DCHS2: variants seen among roughly 807,000 people sequenced by gnomAD.
DCHS2 encodes dachsous cadherin-related 2, also known as protocadherin-23.
In DCHS2, 142 loss-of-function variants were observed where a neutral mutation model predicts 182.4. That is an observed-to-expected ratio of 0.78 (90% confidence interval 0.68 to 0.89). The LOEUF (loss-of-function observed/expected upper bound fraction) is 0.89, where lower values mean the gene tolerates loss of function less well. Ranked by LOEUF, DCHS2 falls within the 40% of genes least tolerant of loss-of-function variation. The pLI is 0.00. For missense variants in DCHS2, 4,319 were observed against 4,198.6 expected (o/e 1.03, Z -0.79); for synonymous variants, 1,740 against 1,663.3 (o/e 1.05, Z -1.12).
intron 1 of DCHS2, among the ~76,000 whole-genome samples, chr4:154,486,922 G>GCCAGCAATAC (rs1207159782): frequency 3.3e-5 from 5 of 152,180 alleles, no homozygotes; most frequent in African/African-American, 4.8e-5. Flanking sequence ...GGAAAGGTTT[G>GCCAGCAATAC]TTGCAATTGT....
At chr4:154,385,169 C>A (rs181155418) in intron 1 of DCHS2, among the ~76,000 whole-genome samples, 2 of 147,420 alleles carry the variant, frequency 1.4e-5, no homozygotes, top group East Asian at 2.1e-4. Flanking sequence ...TGAGAACATG[C>A]GGCGTTTGGT....
intron 13 of DCHS2, among the ~76,000 whole-genome samples, chr4:154,296,765 G>C (rs2111276618): frequency 6.6e-6 from 1 of 152,274 alleles, no homozygotes; most frequent in South Asian, 2.1e-4. Flanking sequence ...AATTCACTCA[G>C]GATGACAAGT....
chr4:154,323,375 G>C, intron 7 of DCHS2: 2 of 1,542,664 alleles, frequency 1.3e-6, no homozygotes, highest in Non-Finnish European at 8.7e-7. Context: ...TGTTACCCAG[G>C]CTGGAGCGCA....
chr4:154,233,535 A>C lies in DCHS2; in HGVS notation c.*1001T>G, dbSNP rs1012117506. ...ATATATTGCTAAATTACTCTATGAG[A>C]TTTATCATTAGCTAATGACATGATT... is the stretch of plus-strand genomic sequence containing the variant. On this transcript the variant is annotated 3_prime_UTR_variant, in exon 20 of 20. Transcript: ENST00000357232. 3 of 152,220 alleles carry C rather than the reference A, an allele frequency of 2.0e-5. No individual in the cohort carries two copies. The highest frequency in any genetic ancestry group is 7.2e-5 in the African/African-American group (3 of 41,458). The allele number at this position is 152,220 out of a possible 1,614,324, so 9.4% of individuals were successfully genotyped here. A position where few individuals can be genotyped will look rare whatever the true frequency, so the allele number is the denominator to read the frequency against.
At chr4:154,424,786 C>G (rs144697624) in intron 1 of DCHS2, among the ~76,000 whole-genome samples, 184 of 152,270 alleles carry the variant, frequency 1.2e-3, no homozygotes, top group African/African-American at 4.4e-3. Flanking sequence ...TATCTTCATT[C>G]AAGCCCTCCT....
At chr4:154,291,804 G>C (rs978540614) in intron 13 of DCHS2, among the ~76,000 whole-genome samples, 1 of 151,930 alleles carries the variant, frequency 6.6e-6, no homozygotes, top group South Asian at 2.1e-4. Flanking sequence ...GCTGGGAAGG[G>C]TAGTGGGAGG....
intron 1 of DCHS2, among the ~76,000 whole-genome samples, chr4:154,394,592 T>C (rs1387443326): frequency 2.0e-5 from 3 of 152,182 alleles, no homozygotes; most frequent in African/African-American, 7.2e-5. Context: ...GACTGGTTAA[T>C]TCAGTAGCTC....
At position 154,489,793 on chromosome 4, in the gene DCHS2, C is replaced by A. The variant is rs1272842749; in HGVS notation, c.1563G>T (p.Thr521=). 1 of 1,551,598 alleles carries A rather than the reference C, an allele frequency of 6.4e-7. No homozygotes were observed. Among genetic ancestry groups the A allele is most frequent in the Non-Finnish European group, 8.7e-7 (1 of 1,146,938 alleles). The part of the protein sequence containing the change: ...ATDAGSPPLS[T]EETLLLRVAD... ...CGACCCGGAGTAGCAGCGTCTCCTC[C>A]GTGCTCAGCGGCGGGGACCCCGCGT... Residue 521 remains threonine, a synonymous_variant, in exon 1 of 20, where the codon ACG becomes ACT. Coordinates refer to ENST00000357232, the MANE Select transcript of DCHS2 (RefSeq NM_001358235.2).
chr4:154,283,597 A>G (rs985586080), intron 13 of DCHS2, among the ~76,000 whole-genome samples: 13 of 145,160 alleles, frequency 9.0e-5, no homozygotes, highest in Non-Finnish European at 1.9e-4. Flanking sequence ...AAGTGATTAT[A>G]AATTGTTGCA....
intron 3 of DCHS2, among the ~76,000 whole-genome samples, chr4:154,342,687 C>T (rs1174551289): frequency 6.6e-6 from 1 of 152,170 alleles, no homozygotes; most frequent in African/African-American, 2.4e-5. Context: ...CATCTTCAGG[C>T]TCCACTTCTA....
intron 12 of DCHS2, among the ~76,000 whole-genome samples, chr4:154,301,900 A>C (rs1341895116): frequency 6.6e-6 from 1 of 152,246 alleles, no homozygotes; most frequent in African/African-American, 2.4e-5. Context: ...ATGCATTTAC[A>C]ACACAATTTT....
intron 1 of DCHS2, among the ~76,000 whole-genome samples, chr4:154,441,089 C>T (rs1201196877): frequency 6.6e-6 from 1 of 152,160 alleles, no homozygotes; most frequent in African/African-American, 2.4e-5. Flanking sequence ...ACAGCACTGA[C>T]AGTCCTTTGA....
intron 2 of DCHS2, among the ~76,000 whole-genome samples, chr4:154,376,971 CA>C (rs1357889862): frequency 6.6e-6 from 1 of 152,062 alleles, no homozygotes; most frequent in Non-Finnish European, 1.5e-5. Context: ...TTTTGATAAT[CA>C]AGAAAATTTA....
chr4:154,458,139 AG>A, intron 1 of DCHS2, among the ~76,000 whole-genome samples: 1 of 136,102 alleles, frequency 7.3e-6, no homozygotes, highest in Non-Finnish European at 1.7e-5. Context: ...AGTACACAAG[AG>A]GGGAAGGTAA....
rs117389024 is a variant in DCHS2 at position 154,410,838 on chromosome 4, G to A, written c.2053-33394C>T. Among the ~76,000 whole-genome samples, 22 of 152,258 alleles carry A rather than the reference G, an allele frequency of 1.4e-4. No individual in the cohort carries two copies. In the East Asian group the frequency reaches 4.1e-3, roughly 28 times the overall value. ...CTCTGAAGCACATTATAATTAACCA[G>A]TCAAAAATCAAAGACAAAGAATTTT... On this transcript the variant is annotated intron_variant, in intron 1 of 19. Transcript: ENST00000357232.
intron 1 of DCHS2, among the ~76,000 whole-genome samples, chr4:154,481,762 G>A (rs983965598): frequency 6.6e-6 from 1 of 152,118 alleles, no homozygotes; most frequent in Non-Finnish European, 1.5e-5. Context: ...ACAAAATTGA[G>A]GCTTACAAAG....
chr4:154,366,557 T>G, intron 2 of DCHS2, 116 bp from the exon 3 acceptor site: 4 of 718,644 alleles, frequency 5.6e-6, no homozygotes, highest in Non-Finnish European at 9.8e-6. Flanking sequence ...TATGTGGGGG[T>G]TTGTATATGT....
rs1399250410 is a variant in DCHS2, at chr4:154,305,145, T to C, written c.5347A>G (p.Thr1783Ala). ...ATTTCTCTGTCAAGTATGGTGGTTG[T>C]CACTACCTCTCCAGTGTCAGAATTT... is the stretch of plus-strand genomic sequence containing the variant. The part of the protein sequence containing the change: ...EINSDTGEVV[T>A]TTILDREIQE... Residue 1783 changes from threonine to alanine, a missense_variant, in exon 11 of 20, where the codon ACA (threonine) becomes GCA (alanine). Transcript: ENST00000357232. The C allele has an allele frequency of 6.2e-7, 1 of 1,612,824 alleles. No individual in the cohort carries two copies. The highest frequency in any genetic ancestry group is 8.5e-7 in the Non-Finnish European group (1 of 1,179,546).
At chr4:154,406,024 C>G (rs1284602372) in intron 1 of DCHS2, among the ~76,000 whole-genome samples, 1 of 152,316 alleles carries the variant, frequency 6.6e-6, no homozygotes, top group East Asian at 1.9e-4. Flanking sequence ...AAAGAATGCC[C>G]AAGTTGTACA....
Sources: allele counts gnomAD v4.1 joint callset (sites outside exome capture counted in the v4.1 genomes callset), GRCh38; gene constraint gnomAD v4.1.1; transcripts MANE v1.5; gene names NCBI Gene and HGNC (gene_info 2026-07-23, HGNC 2026-07-21).